MOB3B: variants seen among roughly 807,000 people sequenced by gnomAD.
MOB3B encodes MOB kinase activator-like 2B.
MOB3B carries 7 observed loss-of-function variants against 18.7 expected under a neutral mutation model. That is an observed-to-expected ratio of 0.37 (90% CI 0.21 to 0.70). The LOEUF is 0.70. Ranked by LOEUF, MOB3B falls within the 30% of genes least tolerant of loss-of-function variation. MOB3B has a pLI of 0.52. For missense variants in MOB3B, 253 were observed against 281.3 expected, an observed-to-expected ratio of 0.90 and a Z score of 0.72; for synonymous variants, 111 against 99.9, an observed-to-expected ratio of 1.11 and a Z score of -0.66.
At chr9:27,513,090 T>A (rs1358643227) in intron 1 of MOB3B, among the ~76,000 whole-genome samples, 1 of 152,216 alleles carries the variant, frequency 6.6e-6, no homozygotes, top group Non-Finnish European at 1.5e-5. Flanking sequence ...TAAATGAGAT[T>A]ATTTACTGAT....
chr9:27,415,508 C>T (rs920779877), intron 2 of MOB3B, among the ~76,000 whole-genome samples: 2 of 151,344 alleles, frequency 1.3e-5, no homozygotes, highest in Non-Finnish European at 2.9e-5. Context: ...CTGAGTCTTC[C>T]CATTCATTAT....
At chr9:27,404,895 T>C (rs1821942676) in intron 2 of MOB3B, among the ~76,000 whole-genome samples, 1 of 152,130 alleles carries the variant, frequency 6.6e-6, no homozygotes, top group African/African-American at 2.4e-5. Context: ...TGTATGGGGT[T>C]CCCTTTTCTC....
intron 1 of MOB3B, among the ~76,000 whole-genome samples, chr9:27,523,042 T>G (rs1049935796): frequency 2.6e-5 from 4 of 152,208 alleles, no homozygotes; most frequent in Non-Finnish European, 5.9e-5. Context: ...AAGCCAACTT[T>G]TCAATCAAAG....
At chr9:27,336,957 G>A (rs1489746357) in intron 3 of MOB3B, among the ~76,000 whole-genome samples, 1 of 152,208 alleles carries the variant, frequency 6.6e-6, no homozygotes, top group Admixed American at 6.5e-5. Context: ...GGCCGTCAAA[G>A]GGTATTGCAC....
chr9:27,418,172 C>G (rs1242207037), intron 2 of MOB3B, among the ~76,000 whole-genome samples: 2 of 143,436 alleles, frequency 1.4e-5, no homozygotes, highest in South Asian at 2.3e-4. Flanking sequence ...AGACCAAAAA[C>G]AAGCAGCGAG....
intron 3 of MOB3B, among the ~76,000 whole-genome samples, chr9:27,350,634 G>T (rs1042388827): frequency 2.6e-5 from 4 of 152,148 alleles, no homozygotes; most frequent in African/African-American, 9.7e-5. Context: ...CCCAGCATAA[G>T]GCAATTCATT....
At chr9:27,342,253 C>G (rs1458371934) in intron 3 of MOB3B, among the ~76,000 whole-genome samples, 1 of 152,136 alleles carries the variant, frequency 6.6e-6, no homozygotes, top group Non-Finnish European at 1.5e-5. Flanking sequence ...ATAAATGGAT[C>G]CCCAAGCTGC....
At chr9:27,383,589 C>T (rs6475993) in intron 2 of MOB3B, among the ~76,000 whole-genome samples, 1 of 151,948 alleles carries the variant, frequency 6.6e-6, no homozygotes, top group Admixed American at 6.5e-5. Flanking sequence ...GGACAAGCTG[C>T]TTTTTTATAT....
At chr9:27,377,246 A>G (rs1380750890) in intron 2 of MOB3B, among the ~76,000 whole-genome samples, 1 of 152,242 alleles carries the variant, frequency 6.6e-6, no homozygotes, top group East Asian at 1.9e-4. Flanking sequence ...CTGATCTGTC[A>G]GTCTGAACAC....
At chr9:27,421,432 A>G (rs11794601) in intron 2 of MOB3B, 12,231 of 152,324 alleles carry the variant, frequency 0.08, 557 homozygotes, top group East Asian at 0.14. Context: ...TGAGGCACAC[A>G]GCCCTAGAGT....
At chr9:27,519,897 G>A (rs552819929) in intron 1 of MOB3B, among the ~76,000 whole-genome samples, 83 of 152,014 alleles carry the variant, frequency 5.5e-4, no homozygotes, top group Non-Finnish European at 9.4e-4. Context: ...AGAGGTGACT[G>A]CGTTTGTCTG....
intron 1 of MOB3B, among the ~76,000 whole-genome samples, chr9:27,521,359 A>C (rs1052642736): frequency 6.6e-6 from 1 of 152,238 alleles, no homozygotes; most frequent in African/African-American, 2.4e-5. Context: ...GAATGACAAT[A>C]GCCAAATGTG....
chr9:27,505,764 C>G (rs976659615), intron 1 of MOB3B, among the ~76,000 whole-genome samples: 3 of 152,142 alleles, frequency 2.0e-5, no homozygotes, highest in Non-Finnish European at 4.4e-5. Flanking sequence ...TTTGGCAAAC[C>G]CTGAAACTGC....
chr9:27,449,915 C>T (rs144875997), intron 2 of MOB3B, among the ~76,000 whole-genome samples: 3,302 of 150,954 alleles, frequency 0.022, 121 homozygotes, highest in African/African-American at 0.076. Flanking sequence ...GAAGCGGAGG[C>T]TGCAGTGAGC....
chr9:27,511,603 T>C (rs889770034), intron 1 of MOB3B, among the ~76,000 whole-genome samples: 1 of 152,130 alleles, frequency 6.6e-6, no homozygotes, highest in Non-Finnish European at 1.5e-5. Context: ...TTAAAAAAAA[T>C]AGCAAATTAA....
chr9:27,498,648 A>C (rs1273863441), intron 1 of MOB3B, among the ~76,000 whole-genome samples: 1 of 152,198 alleles, frequency 6.6e-6, no homozygotes, highest in Non-Finnish European at 1.5e-5. Context: ...GAATGTTCTC[A>C]TCTAGGTCAA....
At chr9:27,348,509 C>T (rs765228038) in intron 3 of MOB3B, among the ~76,000 whole-genome samples, 62 of 151,938 alleles carry the variant, frequency 4.1e-4, no homozygotes, top group Non-Finnish European at 7.8e-4. Context: ...AAAAATTATC[C>T]GGGCATAGTA....
intron 2 of MOB3B, among the ~76,000 whole-genome samples, chr9:27,382,542 G>A (rs1465713488): frequency 1.3e-5 from 2 of 152,114 alleles, no homozygotes; most frequent in East Asian, 1.9e-4. Context: ...ATCCGGGCAT[G>A]TTGTGAGTTC....
chr9:27,427,958 C>T (rs1300572286), intron 2 of MOB3B, among the ~76,000 whole-genome samples: 1 of 152,178 alleles, frequency 6.6e-6, no homozygotes, highest in Non-Finnish European at 1.5e-5. Flanking sequence ...GCTACCTAGC[C>T]TGAACCCAAC....
Sources: gnomAD v4.1 joint callset for allele counts (sites outside exome capture counted in the v4.1 genomes callset) on GRCh38, gnomAD v4.1.1 for gene constraint, MANE v1.5 for transcripts, NCBI Gene and HGNC (gene_info 2026-07-23, HGNC 2026-07-21) for gene names.